Variants in TRMO observed in about 807,000 individuals in gnomAD.
TRMO encodes the protein tRNA (adenine(37)-N6)-methyltransferase.
TRMO carries 30 observed loss-of-function variants against 37.2 expected under a neutral mutation model. The observed-to-expected ratio is 0.81, with a 90% CI of 0.60 to 1.09. TRMO has a LOEUF of 1.09. Ranked by LOEUF, TRMO falls within the 50% of genes least tolerant of loss-of-function variation. TRMO has a pLI of 0.00. For missense variants in TRMO, 552 were observed against 549.5 expected (o/e 1.00, Z -0.05); for synonymous variants, 239 against 199.4 (o/e 1.20, Z -1.67).
chr9:97,897,596 A>C, the TRMO span, among the ~76,000 whole-genome samples: 1 of 152,224 alleles, frequency 6.6e-6, no homozygotes, highest in Non-Finnish European at 1.5e-5. Flanking sequence ...TTAATCCATA[A>C]TATTACTGAG....
intron 2 of TRMO, among the ~76,000 whole-genome samples, chr9:97,915,533 G>C (rs1826317705): frequency 6.6e-6 from 1 of 152,192 alleles, no homozygotes; most frequent in Non-Finnish European, 1.5e-5. Flanking sequence ...GCAGAGTCAA[G>C]GAGGTCTATA....
the TRMO span, among the ~76,000 whole-genome samples, chr9:97,897,840 T>C: frequency 0.077 from 11,782 of 152,214 alleles, 1,337 homozygotes; most frequent in East Asian, 0.57. Flanking sequence ...TTACTGCTAA[T>C]CCTACTTTAA....
chr9:97,901,717 T>C (rs540002447), downstream of TRMO, among the ~76,000 whole-genome samples: 354 of 151,584 alleles, frequency 2.3e-3, 2 homozygotes, highest in African/African-American at 8.4e-3. Flanking sequence ...ATTCTCTGGG[T>C]TCGTGGAATG....
At chr9:97,917,574 T>C (rs1353732017) in intron 1 of TRMO, among the ~76,000 whole-genome samples, 13 of 152,196 alleles carry the variant, frequency 8.5e-5, no homozygotes, top group Admixed American at 8.5e-4. Context: ...TATAATATAA[T>C]CCCACTTATG....
rs1825779993 is a variant in TRMO at position 97,904,682 on chromosome 9, A to C, written c.*51T>G. 3 of 1,591,478 alleles carry C rather than the reference A, an allele frequency of 1.9e-6. No individual in the cohort carries two copies. In the East Asian group the frequency reaches 6.7e-5, roughly 36 times the overall value. On this transcript the variant is annotated 3_prime_UTR_variant, in exon 5 of 5. Transcript: ENST00000375119. The stretch of plus-strand genomic sequence containing the variant: ...CATTAGCTTGTTCAGAAAATCCAAA[A>C]GCCACATCCAAAGATCAATGATGCT...
chr9:97,920,974 T>C (rs946251830), intron 1 of TRMO, among the ~76,000 whole-genome samples: 4 of 152,254 alleles, frequency 2.6e-5, no homozygotes, highest in African/African-American at 9.6e-5. Flanking sequence ...CATCCAACAC[T>C]TTAGACTTCT....
chr9:97,920,696 C>T (rs1321455336), intron 1 of TRMO, among the ~76,000 whole-genome samples: 1 of 152,210 alleles, frequency 6.6e-6, no homozygotes, highest in South Asian at 2.1e-4. Flanking sequence ...ATTGTCTACA[C>T]GTCTTGCTCT....
chr9:97,913,884 C>A, intron 2 of TRMO: 1 of 222,112 alleles, frequency 4.5e-6, no homozygotes, highest in Non-Finnish European at 9.0e-6. Flanking sequence ...AACATTTTTA[C>A]ACTCATTTCA....
chr9:97,916,037 AAAAAC>A (rs1826343949), intron 2 of TRMO, 122 bp downstream of exon 2: 25 of 645,806 alleles, frequency 3.9e-5, no homozygotes, highest in South Asian at 7.4e-5. Flanking sequence ...ACCCTGACTC[AAAAAC>A]AAAACAAAAC....
At chr9:97,902,303 T>C (rs1310355726), downstream of TRMO, among the ~76,000 whole-genome samples, 1 of 152,192 alleles carries the variant, frequency 6.6e-6, no homozygotes, top group Non-Finnish European at 1.5e-5. Context: ...TTTTATTATT[T>C]TTGTGGGTTT....
the TRMO span, among the ~76,000 whole-genome samples, chr9:97,897,063 G>A: frequency 6.6e-6 from 1 of 152,110 alleles, no homozygotes; most frequent in Admixed American, 6.5e-5. Context: ...GTGCAAACAT[G>A]GGTTGTATAA....
At chr9:97,905,616 A>G (rs1286256666) in intron 4 of TRMO, among the ~76,000 whole-genome samples, 1 of 152,206 alleles carries the variant, frequency 6.6e-6, no homozygotes, top group Non-Finnish European at 1.5e-5. Context: ...TATAAAACAT[A>G]AATTTAGAAA....
chr9:97,899,749 G>C (rs1831125520), downstream of TRMO, among the ~76,000 whole-genome samples: 1 of 152,080 alleles, frequency 6.6e-6, no homozygotes. Flanking sequence ...ACAAAAACTA[G>C]CTGGGCATGG....
intron 2 of TRMO, chr9:97,913,938 T>A (rs1826243066): frequency 6.3e-6 from 1 of 157,728 alleles, no homozygotes; most frequent in South Asian, 1.9e-4. Flanking sequence ...TTATCCCCCA[T>A]TTTTGGGATG....
intron 1 of TRMO, 38 bp downstream of exon 1, chr9:97,922,380 C>G: frequency 7.0e-7 from 1 of 1,419,152 alleles, no homozygotes; most frequent in Non-Finnish European, 9.8e-7. Context: ...TGGGCCTAAA[C>G]CTCTCCAGAG....
chr9:97,897,143 T>C, the TRMO span, among the ~76,000 whole-genome samples: 4 of 152,248 alleles, frequency 2.6e-5, no homozygotes, highest in African/African-American at 7.2e-5. Flanking sequence ...ATTCATACAT[T>C]TTCTCACATG....
chr9:97,919,906 T>A (rs116667744), intron 1 of TRMO, among the ~76,000 whole-genome samples: 1 of 152,210 alleles, frequency 6.6e-6, no homozygotes, highest in East Asian at 1.9e-4. Context: ...TTCTTCTAAC[T>A]CTGCTACTCT....
intron 1 of TRMO, among the ~76,000 whole-genome samples, chr9:97,917,994 T>A (rs1035327508): frequency 6.6e-6 from 1 of 151,720 alleles, no homozygotes; most frequent in Non-Finnish European, 1.5e-5. Context: ...TATTCACCAA[T>A]TTTTTTAACA....
downstream of TRMO, chr9:97,900,689 C>G: frequency 1.3e-6 from 1 of 792,050 alleles, no homozygotes; most frequent in Non-Finnish European, 1.5e-6. Flanking sequence ...GTACGAAAAG[C>G]ACATAGTCCA....
Sources: gnomAD v4.1 joint callset for allele counts (sites outside exome capture counted in the v4.1 genomes callset) on GRCh38, gnomAD v4.1.1 for gene constraint, MANE v1.5 for transcripts, NCBI Gene and HGNC (gene_info 2026-07-23, HGNC 2026-07-21) for gene names.